The following MACROD2 variants were observed in gnomAD, a reference collection of about 807,000 sequenced individuals.
The protein encoded by MACROD2 is ADP-ribose glycohydrolase MACROD2.
A neutral mutation model predicts 70.4 loss-of-function variants in MACROD2; 36 were observed. The ratio of observed to expected loss-of-function variants is 0.51; its 90% CI spans 0.39 to 0.68. The LOEUF (loss-of-function observed/expected upper bound fraction) is 0.68. MACROD2 is among the 30% of genes least tolerant of loss of function. The probability of loss-of-function intolerance (pLI) is 0.00; values close to 1 mark genes in which losing one functional copy is unlikely to be tolerated. For synonymous variants in MACROD2, 172 were observed against 178.8 expected, an observed-to-expected ratio of 0.96 and a Z score of 0.30; for missense variants, 496 against 538.4, an observed-to-expected ratio of 0.92 and a Z score of 0.78.
chr20:14,799,262 T>A lies in MACROD2; in HGVS notation c.418+114303T>A, dbSNP rs181936557. ...TTTCCCTTTGTATCCCAAATCAACTTGATGAAGCCCTTACTTATTAACATT... is the reference window on the plus strand; with the variant it reads ...TTTCCCTTTGTATCCCAAATCAACTAGATGAAGCCCTTACTTATTAACATT... On this transcript the variant is annotated intron_variant, in intron 5 of 17. Transcript: ENST00000684519. Among the ~76,000 whole-genome samples the A allele has an allele frequency of 7.1e-4, 108 of 152,162 alleles. 1 individual carries two copies. Among genetic ancestry groups the A allele is most frequent in the Admixed American group, 2.0e-3 (30 of 15,264 alleles).
chr20:15,642,486 G>A (rs1013368609), intron 8 of MACROD2, among the ~76,000 whole-genome samples: 2 of 151,816 alleles, frequency 1.3e-5, no homozygotes, highest in Non-Finnish European at 1.5e-5. Flanking sequence ...GTCTATGCCC[G>A]GTTCTCTCTC....
intron 3 of MACROD2, among the ~76,000 whole-genome samples, chr20:14,274,148 G>A (rs1245458665): frequency 1.3e-5 from 2 of 152,104 alleles, no homozygotes; most frequent in Admixed American, 1.3e-4. Context: ...CATTTTATGA[G>A]GCCAGCATCA....
rs547875429 is a variant in MACROD2 at position 15,386,529 on chromosome 20, T to C, written c.541-44876T>C. ...TCAATGGAAGTCACTAAAAGTACTATTGAGATAGTCAGGACCCTGGAGTCA... is the reference window on the plus strand; with the variant it reads ...TCAATGGAAGTCACTAAAAGTACTACTGAGATAGTCAGGACCCTGGAGTCA... On this transcript the variant is annotated intron_variant, in intron 6 of 17. Transcript: ENST00000684519. Among the ~76,000 whole-genome samples the C allele has an allele frequency of 3.9e-5, 6 of 152,264 alleles. No individual in the cohort carries two copies. In the East Asian group the frequency reaches 1.2e-3, roughly 29 times the overall value.
At chr20:15,787,225 G>T (rs551762197) in intron 8 of MACROD2, among the ~76,000 whole-genome samples, 1 of 152,280 alleles carries the variant, frequency 6.6e-6, no homozygotes, top group Admixed American at 6.5e-5. Flanking sequence ...GCCTGCCTCG[G>T]CCTCCCAAAG....
At chr20:14,146,399 A>G (rs1259210476) in intron 3 of MACROD2, among the ~76,000 whole-genome samples, 1 of 152,014 alleles carries the variant, frequency 6.6e-6, no homozygotes, top group Non-Finnish European at 1.5e-5. Context: ...TGATAAGCTG[A>G]GTGCAAACTG....
At chr20:15,296,171 A>G (rs1298104862) in intron 6 of MACROD2, among the ~76,000 whole-genome samples, 1 of 152,262 alleles carries the variant, frequency 6.6e-6, no homozygotes, top group Non-Finnish European at 1.5e-5. Context: ...CACAACAATA[A>G]CTATTGATTA....
At chr20:14,184,469 C>A (rs764778745) in intron 3 of MACROD2, among the ~76,000 whole-genome samples, 3 of 150,550 alleles carry the variant, frequency 2.0e-5, no homozygotes, top group Non-Finnish European at 3.0e-5. Context: ...GTCATGCCCT[C>A]GGCTTTGTTC....
chr20:14,419,700 C>A (rs1218844941), intron 3 of MACROD2, among the ~76,000 whole-genome samples: 1 of 152,046 alleles, frequency 6.6e-6, no homozygotes, highest in Non-Finnish European at 1.5e-5. Context: ...TAAATAAAAT[C>A]AAATGTTTAT....
chr20:14,171,467 T>C (rs956833901), intron 3 of MACROD2, among the ~76,000 whole-genome samples: 3 of 152,178 alleles, frequency 2.0e-5, no homozygotes, highest in African/African-American at 7.2e-5. Context: ...GACTTTTAGA[T>C]GTGGGCTTTA....
At chr20:15,606,662 C>A (rs1040417556) in intron 8 of MACROD2, among the ~76,000 whole-genome samples, 6 of 152,108 alleles carry the variant, frequency 3.9e-5, no homozygotes, top group Non-Finnish European at 7.3e-5. Flanking sequence ...AATGCTTAAT[C>A]CAGAAGGAAA....
intron 4 of MACROD2, among the ~76,000 whole-genome samples, chr20:14,639,862 C>CT (rs1186972146): frequency 1.3e-5 from 2 of 152,104 alleles, no homozygotes; most frequent in Admixed American, 6.6e-5. Flanking sequence ...ATGGGGAACA[C>CT]TTTTTTTACA....
intron 6 of MACROD2, among the ~76,000 whole-genome samples, chr20:15,301,897 A>C (rs1234640759): frequency 6.6e-6 from 1 of 152,138 alleles, no homozygotes; most frequent in African/African-American, 2.4e-5. Flanking sequence ...AGATGTGCAA[A>C]GGATGTCTTA....
At chr20:15,577,302 T>C (rs748218510) in intron 8 of MACROD2, among the ~76,000 whole-genome samples, 1 of 152,076 alleles carries the variant, frequency 6.6e-6, no homozygotes, top group Non-Finnish European at 1.5e-5. Context: ...GACTCACATC[T>C]ACTCAGAGTT....
intron 5 of MACROD2, among the ~76,000 whole-genome samples, chr20:14,685,887 A>G (rs1171646054): frequency 6.6e-6 from 1 of 152,206 alleles, no homozygotes; most frequent in Non-Finnish European, 1.5e-5. Context: ...ATAGGATACT[A>G]TGGGTTATAT....
chr20:14,916,119 T>C (rs1288203248), intron 5 of MACROD2, among the ~76,000 whole-genome samples: 1 of 152,170 alleles, frequency 6.6e-6, no homozygotes, highest in Non-Finnish European at 1.5e-5. Flanking sequence ...CTCCTCATCC[T>C]ATGGTGCCCA....
At chr20:15,660,463 A>G (rs1281242399) in intron 8 of MACROD2, among the ~76,000 whole-genome samples, 3 of 152,100 alleles carry the variant, frequency 2.0e-5, no homozygotes, top group Non-Finnish European at 4.4e-5. Context: ...AGATTTATTT[A>G]GAAAATAGAA....
At chr20:14,390,564 G>C (rs1033858534) in intron 3 of MACROD2, among the ~76,000 whole-genome samples, 4 of 152,140 alleles carry the variant, frequency 2.6e-5, no homozygotes, top group African/African-American at 9.7e-5. Context: ...CAATGGAACG[G>C]AATAGAGAAC....
Position 14,718,618 on chromosome 20 carries a change from A to G in MACROD2, c.418+33659A>G, listed in dbSNP as rs915431271. 2.6e-4 allele frequency among the ~76,000 whole-genome samples: 39 copies of G among 152,174 alleles called. 1 individual carries two copies. Among genetic ancestry groups the G allele is most frequent in the Admixed American group, 1.4e-3 (22 of 15,282 alleles). On this transcript the variant is annotated intron_variant, in intron 5 of 17. Coordinates refer to ENST00000684519, the MANE Select transcript of MACROD2 (RefSeq NM_001351661.2). ...TCTGAGTTCCTATTGAACACAGATCATGGTTGCCTGGATGGGAAACCTGGT... is the reference window on the plus strand; with the variant it reads ...TCTGAGTTCCTATTGAACACAGATCGTGGTTGCCTGGATGGGAAACCTGGT...
chr20:14,466,954 G>A lies in MACROD2; in HGVS notation c.272-26525G>A, dbSNP rs1386175848. Among the ~76,000 whole-genome samples the A allele has an allele frequency of 2.6e-5, 4 of 152,140 alleles. 1 individual carries two copies. Among genetic ancestry groups the A allele is most frequent in the Non-Finnish European group, 5.9e-5 (4 of 68,036 alleles). On this transcript the variant is annotated intron_variant, in intron 3 of 17. Transcript: ENST00000684519. The stretch of plus-strand genomic sequence containing the variant: ...TGTCAGTCCGCCCCTACTCGGGGGT[G>A]CCTCCCAGTTAGGCTACTCAGGGGT...
Sources: allele counts gnomAD v4.1 joint callset (sites outside exome capture counted in the v4.1 genomes callset), GRCh38; gene constraint gnomAD v4.1.1; transcripts MANE v1.5; gene names NCBI Gene and HGNC (gene_info 2026-07-23, HGNC 2026-07-21).